Variants in PKHD1L1 observed in about 807,000 individuals in gnomAD.
PKHD1L1 encodes PKHD1 like 1, also known as fibrocystin-L.
In PKHD1L1, 434 loss-of-function variants were observed where a neutral mutation model predicts 462.9. The observed-to-expected ratio is 0.94, with a 90% CI of 0.87 to 1.02. The LOEUF (loss-of-function observed/expected upper bound fraction) is 1.02, where lower values mean the gene tolerates loss of function less well. Among genes scored for constraint, PKHD1L1 ranks in the 50% least tolerant of loss-of-function variants. The pLI, the probability that PKHD1L1 is intolerant of heterozygous loss-of-function variation, is 0.00. For synonymous variants in PKHD1L1, 1,781 were observed against 1,750.0 expected (o/e 1.02, Z -0.44); for missense variants, 5,202 against 5,096.1 (o/e 1.02, Z -0.63).
chr8:109,438,417 A>G lies in PKHD1L1; in HGVS notation c.3721A>G (p.Ile1241Val). The change falls in exon 31 of 78, where the codon ATT becomes GTT. Residue 1241 changes from isoleucine (I) to valine (V), a missense_variant. Physicochemically the swap from Ile to Val is conservative, Grantham distance 29. Transcript: ENST00000378402. ...TAGTTATAATTGTTTACAGACACCA[A>G]TTATAACTGATTTTAGTCCAAAAGT... ...AFSYNCLQTP[I>V]ITDFSPKVRT... 1.9e-6 allele frequency: 3 copies of G among 1,540,254 alleles called. No individual in the cohort carries two copies. In the South Asian group the frequency reaches 3.7e-5, roughly 19 times the overall value.
Position 109,464,694 on chromosome 8 carries a change from G to A in PKHD1L1, c.7862G>A (p.Trp2621Ter). 2 of 1,613,636 alleles carry A rather than the reference G, an allele frequency of 1.2e-6. No homozygotes were observed. The highest frequency in any genetic ancestry group is 2.2e-5 in the South Asian group (2 of 91,082). Reference protein sequence around the residue: ...FFNNTVHSQGWFGMWIFEEYF... With the variant: ...FFNNTVHSQG ...AACAATACTGTCCATTCTCAAGGTT[G>A]GTTTGGAATGTGGATCTTTGAGGAA... Residue 2621 changes from tryptophan to a stop codon, truncating the protein, a stop_gained, in exon 49 of 78, where the codon TGG (tryptophan) becomes TAG (stop). Coordinates refer to ENST00000378402, the MANE Select transcript of PKHD1L1 (RefSeq NM_177531.6). LOFTEE classifies it high-confidence loss of function.
chr8:109,426,257 G>A (rs1814742901), intron 24 of PKHD1L1, among the ~76,000 whole-genome samples: 1 of 151,634 alleles, frequency 6.6e-6, no homozygotes, highest in Non-Finnish European at 1.5e-5. Flanking sequence ...AATCAAAATC[G>A]ATTTTAAAAA....
rs186184053 is a variant in PKHD1L1, at chr8:109,411,152, C to T, written c.2086-1113C>T. ...TATGTAGTTTTATATAATTGCTTCT[C>T]GACATAACACTCTGGTTAATTAGTA... On this transcript the variant is annotated intron_variant, in intron 19 of 77. Transcript: ENST00000378402. Among the ~76,000 whole-genome samples the T allele has an allele frequency of 8.5e-5, 13 of 152,092 alleles. No individual in the cohort carries two copies. The East Asian group carries it at 1.2e-3, about 14-fold the overall frequency.
chr8:109,475,272 A>G lies in PKHD1L1; in HGVS notation c.8757+3A>G. ...CATCGACATTCTATGGATTCAAGGT[A>G]AAAATATTTATCTTCTAATGATTAT... On this transcript the variant is annotated splice_donor_region_variant and intron_variant, in intron 51 of 77. Transcript: ENST00000378402. 1 of 1,590,916 alleles carries G rather than the reference A, an allele frequency of 6.3e-7. No individual in the cohort carries two copies. Among genetic ancestry groups the G allele is most frequent in the Non-Finnish European group, 8.6e-7 (1 of 1,164,336 alleles).
At chr8:109,506,665 A>G in intron 68 of PKHD1L1, among the ~76,000 whole-genome samples, 1 of 152,190 alleles carries the variant, frequency 6.6e-6, no homozygotes, top group Non-Finnish European at 1.5e-5. Context: ...CGAACACATG[A>G]ACTACAAAAA....
intron 3 of PKHD1L1, among the ~76,000 whole-genome samples, chr8:109,382,063 G>C (rs939097235): frequency 6.6e-6 from 1 of 152,168 alleles, no homozygotes; most frequent in Non-Finnish European, 1.5e-5. Context: ...CCTGTCGGCT[G>C]TTCTTCACCA....
At position 109,479,601 on chromosome 8, in the gene PKHD1L1, C is replaced by T; in HGVS notation, c.9140C>T (p.Thr3047Ile). Residue 3047 changes from threonine (T) to isoleucine (I), a missense_variant, in exon 54 of 78, where the codon ACT becomes ATT. Coordinates refer to ENST00000378402, the MANE Select transcript of PKHD1L1 (RefSeq NM_177531.6). ...CAATCATCACGAGAAAATAATTATA[C>T]TGTACCTCACCCAGGGGCAAATGTG... Reference protein sequence around the residue: ...FWQSSRENNYTVPHPGANVII... With the variant: ...FWQSSRENNYIVPHPGANVII... 1 of 1,538,064 alleles carries T rather than the reference C, an allele frequency of 6.5e-7. No homozygotes were observed. Among genetic ancestry groups the T allele is most frequent in the Non-Finnish European group, 8.9e-7 (1 of 1,118,800 alleles).
At position 109,479,607 on chromosome 8, in the gene PKHD1L1, C is replaced by G. The variant is rs1442606057; in HGVS notation, c.9146C>G (p.Pro3049Arg). 1 of 1,536,876 alleles carries G rather than the reference C, an allele frequency of 6.5e-7. No homozygotes were observed. Among genetic ancestry groups the G allele is most frequent in the South Asian group, 1.2e-5 (1 of 85,844 alleles). The change falls in exon 54 of 78, where the codon CCT becomes CGT. Residue 3049 changes from proline (P) to arginine (R), a missense_variant. By Grantham distance (103) the Pro-to-Arg change is moderately radical (BLOSUM62 -2). Transcript: ENST00000378402. ...TCACGAGAAAATAATTATACTGTAC[C>G]TCACCCAGGGGCAAATGTGATTATA... is the stretch of plus-strand genomic sequence containing the variant. ...QSSRENNYTV[P>R]HPGANVIIPE...
chr8:109,471,098 A>T, intron 50 of PKHD1L1: 1 of 1,515,182 alleles, frequency 6.6e-7, no homozygotes, highest in Non-Finnish European at 9.1e-7. Context: ...ATACAGCAGC[A>T]TCTGAAACAT....
intron 70 of PKHD1L1, among the ~76,000 whole-genome samples, chr8:109,509,398 AC>A (rs1819860162): frequency 6.6e-6 from 1 of 152,022 alleles, no homozygotes. Context: ...GGCAAGCAAT[AC>A]AAGTTTTCCA....
At chr8:109,381,239 T>A in intron 2 of PKHD1L1, 131 bp from the exon 3 acceptor site, 1 of 797,698 alleles carries the variant, frequency 1.3e-6, no homozygotes, top group Non-Finnish European at 2.0e-6. Flanking sequence ...TAAGGATAAA[T>A]ATGAAATAGG....
intron 12 of PKHD1L1, 116 bp from the exon 13 acceptor site, chr8:109,399,960 A>G: frequency 1.8e-6 from 2 of 1,108,050 alleles, no homozygotes; most frequent in Non-Finnish European, 2.6e-6. Flanking sequence ...TTGTCTGCAC[A>G]CATACTAAAA....
intron 45 of PKHD1L1, among the ~76,000 whole-genome samples, chr8:109,456,048 G>C (rs891158979): frequency 6.6e-6 from 1 of 152,070 alleles, no homozygotes; most frequent in Non-Finnish European, 1.5e-5. Flanking sequence ...TTTTTGAAAA[G>C]TTTTATAGTC....
At chr8:109,473,846 G>C (rs1432843680) in intron 50 of PKHD1L1, among the ~76,000 whole-genome samples, 1 of 152,126 alleles carries the variant, frequency 6.6e-6, no homozygotes, top group African/African-American at 2.4e-5. Context: ...CAGGCAAAGG[G>C]AGAGCAGTTA....
Position 109,394,437 on chromosome 8 carries a change from T to A in PKHD1L1, c.763T>A (p.Tyr255Asn). ...YGRSFPQKMA[Y>N]FVSSLNKIAM... ...CAGGAGTTTTCCACAGAAAATGGCA[T>A]ATTTTGTTTCTTCTCTCAATAAAAT... Residue 255 changes from tyrosine to asparagine, a missense_variant, in exon 10 of 78, where the codon TAT (tyrosine) becomes AAT (asparagine). By Grantham distance (143) the Tyr-to-Asn change is moderately radical. Transcript: ENST00000378402. 6.6e-7 allele frequency: 1 copy of A among 1,525,896 alleles called. No homozygotes were observed. The highest frequency in any genetic ancestry group is 8.8e-7 in the Non-Finnish European group (1 of 1,131,538). The allele number at this position is 1,525,896 out of a possible 1,614,324, so 94.5% of individuals were successfully genotyped here.
intron 60 of PKHD1L1, among the ~76,000 whole-genome samples, chr8:109,490,550 T>C (rs1818775090): frequency 6.6e-6 from 1 of 151,776 alleles, no homozygotes; most frequent in African/African-American, 2.4e-5. Flanking sequence ...CCTAACCTGT[T>C]CACTGAATGG....
At chr8:109,497,329 A>C in intron 65 of PKHD1L1, 57 bp downstream of exon 65, 1 of 1,554,424 alleles carries the variant, frequency 6.4e-7, no homozygotes, top group South Asian at 1.1e-5. Context: ...GAAGGGTGGA[A>C]TTTCTGAAGG....
intron 65 of PKHD1L1, among the ~76,000 whole-genome samples, chr8:109,498,018 A>C (rs1819201754): frequency 6.6e-6 from 1 of 150,782 alleles, no homozygotes; most frequent in Admixed American, 6.6e-5. Context: ...TGAATGATCC[A>C]CTTTTTGAAT....
In PKHD1L1 at chr8:109,482,204, A is replaced by G. The variant is rs185028932; in HGVS notation, c.9457+642A>G. ...GAGACGCATATAAGTATGTGCTACCATTGTTTTACTGTACAATTTCTAAAA... is the reference window on the plus strand; with the variant it reads ...GAGACGCATATAAGTATGTGCTACCGTTGTTTTACTGTACAATTTCTAAAA... On this transcript the variant is annotated intron_variant, in intron 56 of 77. Coordinates refer to ENST00000378402, the MANE Select transcript of PKHD1L1 (RefSeq NM_177531.6). 7.9e-5 allele frequency among the ~76,000 whole-genome samples: 12 copies of G among 151,978 alleles called. No individual in the cohort carries two copies. In the East Asian group the frequency reaches 2.3e-3, roughly 29 times the overall value.
Sources: allele counts gnomAD v4.1 joint callset (sites outside exome capture counted in the v4.1 genomes callset), GRCh38; gene constraint gnomAD v4.1.1; transcripts MANE v1.5; gene names NCBI Gene and HGNC (gene_info 2026-07-23, HGNC 2026-07-21).